Variants in CPA6 observed in about 807,000 individuals in gnomAD.
The protein encoded by CPA6 is carboxypeptidase B.
CPA6 carries 58 observed loss-of-function variants against 63.3 expected under a neutral mutation model. That is an observed-to-expected ratio of 0.92 (90% confidence interval 0.74 to 1.14). CPA6 has a LOEUF of 1.14. CPA6 is among the 50% of genes most tolerant of loss of function. The pLI, the probability that CPA6 is intolerant of heterozygous loss-of-function variation, is 0.00. For synonymous variants in CPA6, 185 were observed against 179.0 expected, an observed-to-expected ratio of 1.03 and a Z score of -0.27; for missense variants, 565 against 526.6, an observed-to-expected ratio of 1.07 and a Z score of -0.71.
At chr8:67,470,210 A>G (rs1811026854) in intron 8 of CPA6, among the ~76,000 whole-genome samples, 1 of 151,926 alleles carries the variant, frequency 6.6e-6, no homozygotes, top group African/African-American at 2.4e-5. Flanking sequence ...TTGTACTTTT[A>G]GTAGAGACGG....
intron 1 of CPA6, among the ~76,000 whole-genome samples, chr8:67,688,045 G>T (rs1242791362): frequency 6.6e-6 from 1 of 152,114 alleles, no homozygotes; most frequent in Non-Finnish European, 1.5e-5. Flanking sequence ...GGTGATACAT[G>T]CCTATAGTCC....
intron 8 of CPA6, among the ~76,000 whole-genome samples, chr8:67,453,678 T>G (rs146019526): frequency 6.6e-6 from 1 of 152,148 alleles, no homozygotes; most frequent in Non-Finnish European, 1.5e-5. Flanking sequence ...ACCAACAAAA[T>G]AGATTTGGCG....
chr8:67,727,604 T>G (rs1817622505), intron 1 of CPA6, among the ~76,000 whole-genome samples: 1 of 152,206 alleles, frequency 6.6e-6, no homozygotes, highest in Non-Finnish European at 1.5e-5. Flanking sequence ...ACTAAAAGTC[T>G]TTCTCATCAT....
intron 8 of CPA6, among the ~76,000 whole-genome samples, chr8:67,478,372 A>G (rs1436612092): frequency 6.6e-6 from 1 of 152,182 alleles, no homozygotes; most frequent in Non-Finnish European, 1.5e-5. Context: ...TGTTTCTGTG[A>G]ATCATTGTAG....
At chr8:67,434,345 T>C (rs1050905016) in intron 8 of CPA6, 105 bp from the exon 9 acceptor site, 1 of 878,280 alleles carries the variant, frequency 1.1e-6, no homozygotes, top group African/African-American at 1.7e-5. Context: ...TCTCCAAACA[T>C]ATGGTATTAT....
intron 8 of CPA6, among the ~76,000 whole-genome samples, chr8:67,448,493 G>A (rs1810479319): frequency 6.6e-6 from 1 of 151,304 alleles, no homozygotes; most frequent in Non-Finnish European, 1.5e-5. Flanking sequence ...TTAGCTGGTT[G>A]TGGTGGTGTG....
intron 2 of CPA6, among the ~76,000 whole-genome samples, chr8:67,618,656 G>A (rs892827624): frequency 5.9e-5 from 9 of 152,140 alleles, no homozygotes; most frequent in Non-Finnish European, 1.2e-4. Context: ...GGACAAATAG[G>A]ACAGTTTCCT....
chr8:67,722,703 A>T (rs1817524517), intron 1 of CPA6, among the ~76,000 whole-genome samples: 1 of 152,144 alleles, frequency 6.6e-6, no homozygotes, highest in Non-Finnish European at 1.5e-5. Flanking sequence ...TTTCAGGGAC[A>T]TTTGGAGCAC....
intron 2 of CPA6, among the ~76,000 whole-genome samples, chr8:67,525,537 A>G (rs1812342813): frequency 6.6e-6 from 1 of 152,208 alleles, no homozygotes; most frequent in Non-Finnish European, 1.5e-5. Flanking sequence ...GTTCTGGTAA[A>G]ACTCTATTTT....
intron 2 of CPA6, among the ~76,000 whole-genome samples, chr8:67,596,438 T>A (rs1814337236): frequency 6.6e-6 from 1 of 152,206 alleles, no homozygotes; most frequent in Non-Finnish European, 1.5e-5. Flanking sequence ...TAGATTACAT[T>A]TCCCATTTCA....
intron 2 of CPA6, among the ~76,000 whole-genome samples, chr8:67,554,128 T>G (rs184745749): frequency 3.2e-4 from 48 of 152,234 alleles, no homozygotes; most frequent in African/African-American, 1.1e-3. Context: ...CACTCTTGAT[T>G]AGGGAGTGTA....
chr8:67,628,883 G>A (rs904987597), intron 1 of CPA6, among the ~76,000 whole-genome samples: 7 of 152,174 alleles, frequency 4.6e-5, no homozygotes, highest in South Asian at 2.1e-4. Flanking sequence ...TTGGGAGGCC[G>A]AGGCAGGTGG....
At chr8:67,616,552 T>TGTGG (rs1491231842) in intron 2 of CPA6, among the ~76,000 whole-genome samples, 1 of 122,864 alleles carries the variant, frequency 8.1e-6, no homozygotes, top group Admixed American at 8.0e-5. Context: ...TGTGTGTGTG[T>TGTGG]TGTGGGGGTT....
chr8:67,456,505 G>A (rs1320242328), intron 8 of CPA6, among the ~76,000 whole-genome samples: 2 of 152,204 alleles, frequency 1.3e-5, no homozygotes, highest in Non-Finnish European at 2.9e-5. Context: ...CGTGACCCCA[G>A]GCTCTTCTTC....
intron 2 of CPA6, among the ~76,000 whole-genome samples, chr8:67,594,105 C>A (rs1814219575): frequency 6.6e-6 from 1 of 152,082 alleles, no homozygotes; most frequent in African/African-American, 2.4e-5. Context: ...TCAGCATTTG[C>A]TTGTCTGTAA....
chr8:67,589,924 A>G (rs1435784915), intron 2 of CPA6, among the ~76,000 whole-genome samples: 2 of 151,866 alleles, frequency 1.3e-5, no homozygotes, highest in East Asian at 3.9e-4. Context: ...GTTTTAGGGT[A>G]CATGTGCACA....
intron 2 of CPA6, among the ~76,000 whole-genome samples, chr8:67,598,064 C>A (rs935909954): frequency 8.5e-5 from 13 of 152,126 alleles, no homozygotes; most frequent in Non-Finnish European, 1.5e-4. Context: ...TATTTTTGGT[C>A]CACCCTCACT....
intron 6 of CPA6, among the ~76,000 whole-genome samples, chr8:67,498,799 GTCT>G (rs1224040590): frequency 6.6e-6 from 1 of 152,044 alleles, no homozygotes; most frequent in Non-Finnish European, 1.5e-5. Context: ...CCAACCATTT[GTCT>G]TCTTAATTCT....
intron 8 of CPA6, among the ~76,000 whole-genome samples, chr8:67,475,871 C>CTT (rs1158508740): frequency 1.3e-5 from 1 of 79,850 alleles, no homozygotes; most frequent in Non-Finnish European, 2.4e-5. Flanking sequence ...TTCTTTCTTT[C>CTT]TTTCTTTCTC....
Sources: allele counts gnomAD v4.1 joint callset (sites outside exome capture counted in the v4.1 genomes callset), GRCh38; gene constraint gnomAD v4.1.1; transcripts MANE v1.5; gene names NCBI Gene and HGNC (gene_info 2026-07-23, HGNC 2026-07-21).